PPIL6: variants seen among roughly 807,000 people sequenced by gnomAD.
PPIL6 encodes the protein probable inactive peptidyl-prolyl cis-trans isomerase-like 6.
PPIL6 carries 39 observed loss-of-function variants against 36.8 expected under a neutral mutation model. The ratio of observed to expected loss-of-function variants is 1.06; its 90% CI spans 0.82 to 1.38. The LOEUF is 1.38. PPIL6 is among the 40% of genes most tolerant of loss of function. The pLI, the probability that PPIL6 is intolerant of heterozygous loss-of-function variation, is 0.00. For synonymous variants in PPIL6, 123 were observed against 134.1 expected (o/e 0.92, Z 0.57); for missense variants, 368 against 379.1 (o/e 0.97, Z 0.24).
rs191794796 is a variant in PPIL6 at position 109,433,031 on chromosome 6, T to C, written c.232-1686A>G. ...CTGGAGTGTTTAAATTTATCAGTGT[T>C]ACCATATTTTACAGGACCCAAAACT... On this transcript the variant is annotated intron_variant, in intron 2 of 7. Transcript: ENST00000521072. Among the ~76,000 whole-genome samples the C allele has an allele frequency of 5.3e-5, 8 of 152,182 alleles. No individual in the cohort carries two copies. The East Asian group carries it at 1.5e-3, about 29-fold the overall frequency.
intron 2 of PPIL6, among the ~76,000 whole-genome samples, chr6:109,433,326 G>A (rs1774265850): frequency 1.3e-5 from 2 of 152,146 alleles, no homozygotes; most frequent in Non-Finnish European, 2.9e-5. Flanking sequence ...CAAAGTGTTG[G>A]GATTACAGGC....
At chr6:109,397,734 G>C (rs1772357481) in intron 7 of PPIL6, among the ~76,000 whole-genome samples, 1 of 152,070 alleles carries the variant, frequency 6.6e-6, no homozygotes, top group East Asian at 1.9e-4. Flanking sequence ...TTTTAAAGTA[G>C]TCATGTTTGT....
chr6:109,431,694 T>G (rs1185627944), intron 2 of PPIL6, among the ~76,000 whole-genome samples: 2 of 152,210 alleles, frequency 1.3e-5, no homozygotes, highest in East Asian at 3.8e-4. Flanking sequence ...TCCCTTGAGC[T>G]AAATAATTAC....
At chr6:109,393,265 T>C (rs1013012678) in intron 7 of PPIL6, among the ~76,000 whole-genome samples, 6 of 151,634 alleles carry the variant, frequency 4.0e-5, no homozygotes, top group African/African-American at 1.2e-4. Flanking sequence ...TTGCCCAGGC[T>C]GGAGTGCTGT....
intron 6 of PPIL6, among the ~76,000 whole-genome samples, chr6:109,406,405 G>A (rs780229216): frequency 1.3e-5 from 2 of 152,036 alleles, no homozygotes; most frequent in Non-Finnish European, 2.9e-5. Context: ...AGAACTGACT[G>A]TATTTCTTGC....
chr6:109,393,381 G>A (rs1019296921), intron 7 of PPIL6, among the ~76,000 whole-genome samples: 1 of 151,948 alleles, frequency 6.6e-6, no homozygotes, highest in East Asian at 1.9e-4. Flanking sequence ...ACTAGGCCTG[G>A]CCAATATTTT....
chr6:109,416,206 T>C (rs1278881737), intron 6 of PPIL6, among the ~76,000 whole-genome samples: 2 of 148,630 alleles, frequency 1.3e-5, no homozygotes, highest in Non-Finnish European at 3.0e-5. Context: ...GTGGCTTTTT[T>C]TTTTTTTTTT....
At chr6:109,412,371 C>T (rs1338064260) in intron 6 of PPIL6, among the ~76,000 whole-genome samples, 1 of 152,188 alleles carries the variant, frequency 6.6e-6, no homozygotes, top group East Asian at 1.9e-4. Flanking sequence ...TGACATTCTT[C>T]ATGGAAATAG....
In PPIL6 at chr6:109,438,681, C is replaced by T. The variant is rs145400494; in HGVS notation, c.135+1775G>A. On this transcript the variant is annotated intron_variant, in intron 1 of 7. Transcript: ENST00000521072. The stretch of plus-strand genomic sequence containing the variant: ...TCAGCTCACCGAAACCTCCACCTCC[C>T]GGGTTCAAGCGATTCTCCAGCCTCA... Among the ~76,000 whole-genome samples, 842 of 152,042 alleles carry T rather than the reference C, an allele frequency of 5.5e-3. 5 individuals are homozygous for T. The highest frequency in any genetic ancestry group is 0.019 in the African/African-American group (803 of 41,484).
At chr6:109,423,823 T>C (rs1220010979) in intron 5 of PPIL6, among the ~76,000 whole-genome samples, 1 of 152,162 alleles carries the variant, frequency 6.6e-6, no homozygotes, top group East Asian at 1.9e-4. Context: ...CTTTGGACTT[T>C]AAAAATGCAG....
At position 109,392,830 on chromosome 6, in the gene PPIL6, G is replaced by A; in HGVS notation, c.932C>T (p.Ala311Val). 6.8e-7 allele frequency: 1 copy of A among 1,479,426 alleles called. No homozygotes were observed. Among genetic ancestry groups the A allele is most frequent in the African/African-American group, 1.4e-5 (1 of 71,500 alleles). 91.6% of individuals were successfully genotyped at this position (1,479,426 alleles called of 1,614,324 possible). Reference protein sequence around the residue: ...CRITDSGDPYA With the variant: ...CRITDSGDPYV Reference sequence around the variant, plus strand: ...CAGAAAATATTGATATGAAAATCAAGCATAAGGATCTCCACTGTCAGTAAT... The same window carrying A: ...CAGAAAATATTGATATGAAAATCAAACATAAGGATCTCCACTGTCAGTAAT... The change falls in exon 8 of 8, where the codon GCT (alanine) becomes GTT (valine). Residue 311 changes from alanine to valine, a missense_variant. Coordinates refer to ENST00000521072, the MANE Select transcript of PPIL6 (RefSeq NM_173672.5).
At chr6:109,439,710 C>T (rs890926822) in intron 1 of PPIL6, among the ~76,000 whole-genome samples, 4 of 152,166 alleles carry the variant, frequency 2.6e-5, no homozygotes, top group Non-Finnish European at 5.9e-5. Context: ...TTAATTAAGG[C>T]ATGGTCCTGG....
chr6:109,441,023 G>A (rs1014076489), upstream of PPIL6: 3 of 1,250,504 alleles, frequency 2.4e-6, no homozygotes, highest in Admixed American at 2.0e-5. Flanking sequence ...CTGCGAAGAA[G>A]GAACGGTCTG....
upstream of PPIL6, chr6:109,440,669 G>T: frequency 9.1e-7 from 1 of 1,093,492 alleles, no homozygotes; most frequent in Non-Finnish European, 1.1e-6. Flanking sequence ...TCCGCCGCTC[G>T]CAGGAGGCGG....
rs1296453894 is a variant in PPIL6, at chr6:109,440,566, G to A, written c.25C>T (p.Pro9Ser). The A allele has an allele frequency of 3.0e-5, 44 of 1,444,138 alleles. No homozygotes were observed. The highest frequency in any genetic ancestry group is 2.3e-4 in the East Asian group (8 of 34,470). The allele number at this position is 1,444,138 out of a possible 1,614,324, so 89.5% of individuals were successfully genotyped here. MARPQPCGPPHARCGSPSL... is the reference protein window; with the variant it reads MARPQPCGSPHARCGSPSL... ...GGCGAGCCGCACCTAGCGTGCGGGG[G>A]CCCGCACGGCTGCGGCCTTGCCATG... Residue 9 changes from proline (P) to serine (S), a missense_variant, in exon 1 of 8, where the codon CCC (proline) becomes TCC (serine). Physicochemically the swap from Pro to Ser is moderately conservative, Grantham distance 74 (BLOSUM62 -1). Coordinates refer to ENST00000521072, the MANE Select transcript of PPIL6 (RefSeq NM_173672.5).
chr6:109,396,318 A>G (rs541716035), intron 7 of PPIL6, among the ~76,000 whole-genome samples: 27 of 152,228 alleles, frequency 1.8e-4, no homozygotes, highest in African/African-American at 6.0e-4. Context: ...GTCGCTCACA[A>G]TGTAAAATTC....
At chr6:109,394,076 C>A (rs1772201283) in intron 7 of PPIL6, among the ~76,000 whole-genome samples, 1 of 152,180 alleles carries the variant, frequency 6.6e-6, no homozygotes, top group South Asian at 2.1e-4. Context: ...CAGCTCAAAG[C>A]CATGCTAGTT....
rs147272402 is a variant in PPIL6, at chr6:109,400,118, G to T, written c.741C>A (p.Asn247Lys). The change falls in exon 7 of 8, where the codon AAC becomes AAA. Residue 247 changes from asparagine (N) to lysine (K), a missense_variant. Coordinates refer to ENST00000521072, the MANE Select transcript of PPIL6 (RefSeq NM_173672.5). ...HNKRGVLGMANKGRHSNGSQF... is the reference protein window; with the variant it reads ...HNKRGVLGMAKKGRHSNGSQF... ...GTGACCCGTTGCTGTGACGGCCTTT[G>T]TTGGCCATTCCAAGTACTCCTCTTT... The T allele has an allele frequency of 1.9e-6, 3 of 1,613,574 alleles. No individual in the cohort carries two copies. Among genetic ancestry groups the T allele is most frequent in the Admixed American group, 1.7e-5 (1 of 59,996 alleles).
chr6:109,419,357 G>T, intron 5 of PPIL6, 114 bp from the exon 6 acceptor site: 2 of 664,366 alleles, frequency 3.0e-6, no homozygotes, highest in South Asian at 1.8e-5. Flanking sequence ...GAGGTGGGAT[G>T]ATCACTGGAG....
Sources: allele counts gnomAD v4.1 joint callset (sites outside exome capture counted in the v4.1 genomes callset), GRCh38; gene constraint gnomAD v4.1.1; transcripts MANE v1.5; gene names NCBI Gene and HGNC (gene_info 2026-07-23, HGNC 2026-07-21).